The following SUN1 variants were observed in gnomAD, a reference collection of about 807,000 sequenced individuals.
SUN1 encodes SUN domain-containing protein 1.
In SUN1, 61 loss-of-function variants were observed where a neutral mutation model predicts 103.2. The ratio of observed to expected loss-of-function variants is 0.59; its 90% confidence interval spans 0.48 to 0.73. The LOEUF (loss-of-function observed/expected upper bound fraction) is 0.73. SUN1 is among the 30% of genes least tolerant of loss of function. The pLI is 0.00. For missense variants in SUN1, 1,052 were observed against 1,034.6 expected (o/e 1.02, Z -0.23); for synonymous variants, 490 against 425.7 (o/e 1.15, Z -1.86).
At chr7:856,477 G>C in intron 12 of SUN1, 76 bp downstream of exon 12, 1 of 1,564,472 alleles carries the variant, frequency 6.4e-7, no homozygotes, top group Non-Finnish European at 8.8e-7. Context: ...GCAGAGTGAT[G>C]AATGGGGGAC....
At position 832,993 on chromosome 7, in the gene SUN1, C is replaced by T. The variant is rs147436249; in HGVS notation, c.77+392C>T. 2.3e-4 allele frequency: 39 copies of T among 168,210 alleles called. 1 individual carries two copies. In the East Asian group the frequency reaches 4.9e-3, roughly 21 times the overall value. The allele number at this position is 168,210 out of a possible 1,614,324, so 10.4% of individuals were successfully genotyped here. On this transcript the variant is annotated intron_variant, in intron 1 of 18. Transcript: ENST00000401592. Reference sequence around the variant, plus strand: ...TTTCAAAGGAAACATCATAGAACAGCGTTGAAGCTCAGGGTTTTGAGAACA... The same window carrying T: ...TTTCAAAGGAAACATCATAGAACAGTGTTGAAGCTCAGGGTTTTGAGAACA...
At chr7:849,480 C>T (rs373945756) in intron 5 of SUN1, 120 of 1,324,958 alleles carry the variant, frequency 9.1e-5, no homozygotes, top group African/African-American at 1.6e-4. Flanking sequence ...TTGAGCTTGG[C>T]GTCGGTGAGT....
At chr7:840,378 C>T (rs1458788869) in intron 2 of SUN1, among the ~76,000 whole-genome samples, 2 of 152,248 alleles carry the variant, frequency 1.3e-5, no homozygotes, top group Non-Finnish European at 2.9e-5. Context: ...CTCCCAGTGG[C>T]GTGGAGAGCA....
intron 9 of SUN1, chr7:853,194 C>T (rs1233358066): frequency 2.7e-6 from 2 of 741,808 alleles, no homozygotes; most frequent in East Asian, 5.4e-5. Flanking sequence ...CATCACTGTA[C>T]AAAGTACAGA....
intron 15 of SUN1, 94 bp downstream of exon 15, chr7:861,558 G>A: frequency 8.3e-7 from 1 of 1,207,818 alleles, no homozygotes; most frequent in Non-Finnish European, 1.2e-6. Flanking sequence ...ACTTCCAGCA[G>A]TAAGGACTCC....
In SUN1 at chr7:860,189, C is replaced by T. The variant is rs746542187; in HGVS notation, c.1586C>T (p.Ser529Phe). 3.1e-6 allele frequency: 5 copies of T among 1,614,104 alleles called. No homozygotes were observed. Among genetic ancestry groups the T allele is most frequent in the African/African-American group, 1.3e-5 (1 of 74,934 alleles). ...TTTTCCGAAGATCAGCAAGGCGGTT[C>T]TCTGGAACAGCTGCTGCAGAGGTTC... ...LLFSEDQQGG[S>F]LEQLLQRFSS... Residue 529 changes from serine to phenylalanine, a missense_variant, in exon 14 of 19, where the codon TCT becomes TTT. Coordinates refer to ENST00000401592, the MANE Select transcript of SUN1 (RefSeq NM_001130965.3).
chr7:840,941 C>T (rs1809089892), intron 2 of SUN1, among the ~76,000 whole-genome samples: 1 of 150,328 alleles, frequency 6.7e-6, no homozygotes, highest in Non-Finnish European at 1.5e-5. Context: ...GCGCCTGGCC[C>T]TTATATTTTG....
At position 838,799 on chromosome 7, in the gene SUN1, T is replaced by G. The variant is rs1334690931; in HGVS notation, c.79T>G (p.Ser27Ala). The G allele has an allele frequency of 2.6e-6, 4 of 1,541,860 alleles. No individual in the cohort carries two copies. Among genetic ancestry groups the G allele is most frequent in the Non-Finnish European group, 3.5e-6 (4 of 1,140,070 alleles). ...CTCTGATGAGCTTTTTCCTTCTAGTTCCAGCTATTCTTCAGATGCTCTGGA... is the reference window on the plus strand; with the variant it reads ...CTCTGATGAGCTTTTTCCTTCTAGTGCCAGCTATTCTTCAGATGCTCTGGA... ...ENTGYTYALSSSYSSDALDFE... is the reference protein window; with the variant it reads ...ENTGYTYALSASYSSDALDFE... The change falls in exon 2 of 19, where the codon TCC becomes GCC. Residue 27 changes from serine (S) to alanine (A), a missense_variant and splice_region_variant. By Grantham distance (99) the Ser-to-Ala change is moderately conservative (BLOSUM62 1). This residue lies in a region of SUN1 where 846 missense variants were observed against 774.5 expected (regional missense o/e 1.09). Coordinates refer to ENST00000401592, the MANE Select transcript of SUN1 (RefSeq NM_001130965.3).
rs374902623 is a variant in SUN1, at chr7:852,891, G to A, written c.992G>A (p.Arg331Gln). ...TGGGCAAGCATGCATAGAACACAGC[G>A]GGTGGATGACCCCCAGGACGTGTTT... ...LNWASMHRTQ[R>Q]VDDPQDVFKP... Residue 331 changes from arginine to glutamine, a missense_variant, in exon 9 of 19, where the codon CGG becomes CAG. This residue lies in a region of SUN1 where 846 missense variants were observed against 774.5 expected (regional missense o/e 1.09). Transcript: ENST00000401592. 258 of 1,614,084 alleles carry A rather than the reference G, an allele frequency of 1.6e-4. No homozygotes were observed. The highest frequency in any genetic ancestry group is 1.1e-3 in the South Asian group (98 of 91,080).
At chr7:824,926 C>T (rs1178059022) in intron 1 of SUN1, among the ~76,000 whole-genome samples, 1 of 152,136 alleles carries the variant, frequency 6.6e-6, no homozygotes, top group African/African-American at 2.4e-5. Context: ...TGTTTCTAGC[C>T]CCTGTGAACG....
rs115547440 is a variant in SUN1, at chr7:834,557, A to C, written c.77+1956A>C. ...CTGGCCGGCCTTGCGTTGGGTCCTTACACTCTTCTCTGCTTCCTTTCCTTT... is the reference window on the plus strand; with the variant it reads ...CTGGCCGGCCTTGCGTTGGGTCCTTCCACTCTTCTCTGCTTCCTTTCCTTT... On this transcript the variant is annotated intron_variant, in intron 1 of 18. Coordinates refer to ENST00000401592, the MANE Select transcript of SUN1 (RefSeq NM_001130965.3). Among the ~76,000 whole-genome samples the C allele has an allele frequency of 5.7e-3, 874 of 152,186 alleles. 10 individuals carry two copies. Among genetic ancestry groups the C allele is most frequent in the African/African-American group, 0.02 (810 of 41,536 alleles).
intron 7 of SUN1, 117 bp downstream of exon 7, chr7:852,160 T>G: frequency 1.1e-6 from 1 of 947,652 alleles, no homozygotes. Context: ...ACATAGTGTT[T>G]GTATATTTTA....
chr7:860,086 T>C, intron 13 of SUN1, 42 bp from the exon 14 acceptor site: 2 of 1,603,162 alleles, frequency 1.2e-6, no homozygotes, highest in Non-Finnish European at 1.7e-6. Flanking sequence ...GGAAGTGATT[T>C]AGTTAAAATA....
At chr7:842,182 A>C in intron 3 of SUN1, 52 bp downstream of exon 3, 1 of 1,587,428 alleles carries the variant, frequency 6.3e-7, no homozygotes, top group Admixed American at 1.7e-5. Flanking sequence ...GGTGTTTCTC[A>C]GATTATGCTG....
Position 866,051 on chromosome 7 carries a change from C to G in SUN1, c.1964C>G (p.Pro655Arg). The change falls in exon 16 of 19, where the codon CCG becomes CGG. Residue 655 changes from proline to arginine, a missense_variant. Transcript: ENST00000401592. ...CCGCTGTGGTACTTCTCGCAGTCCC[C>G]GCGCGTGGTCATCCAGGTGAGTGGC... ...GIPLWYFSQS[P>R]RVVIQPDIYP... 2 of 1,614,042 alleles carry G rather than the reference C, an allele frequency of 1.2e-6. No individual in the cohort carries two copies. The highest frequency in any genetic ancestry group is 1.7e-6 in the Non-Finnish European group (2 of 1,179,950).
chr7:834,513 G>A (rs1801042781), intron 1 of SUN1, among the ~76,000 whole-genome samples: 1 of 152,190 alleles, frequency 6.6e-6, no homozygotes, highest in Non-Finnish European at 1.5e-5. Context: ...CTGGCCTCCC[G>A]CAGACCTTGC....
chr7:822,236 T>C (rs1243563990), intron 1 of SUN1, among the ~76,000 whole-genome samples: 1 of 152,244 alleles, frequency 6.6e-6, no homozygotes, highest in East Asian at 1.9e-4. Context: ...CTCTTGTAAT[T>C]TATTAGTCAG....
chr7:852,700 G>C (rs1005338993), intron 8 of SUN1, 33 bp downstream of exon 8: 1 of 1,614,104 alleles, frequency 6.2e-7, no homozygotes, highest in African/African-American at 1.3e-5. Context: ...GCCTCCGATG[G>C]CTAAGCGGTA....
chr7:858,645 T>C (rs1829709604), intron 13 of SUN1, among the ~76,000 whole-genome samples: 1 of 152,182 alleles, frequency 6.6e-6, no homozygotes, highest in Non-Finnish European at 1.5e-5. Context: ...TCGAAACATA[T>C]CATAGACATT....
Sources: allele counts gnomAD v4.1 joint callset (sites outside exome capture counted in the v4.1 genomes callset), GRCh38; gene constraint gnomAD v4.1.1; regional missense constraint gnomAD v4.1.1; transcripts MANE v1.5; gene names NCBI Gene and HGNC (gene_info 2026-07-23, HGNC 2026-07-21).